The following HECW1 variants were observed in gnomAD, a reference collection of about 807,000 sequenced individuals.
HECW1 encodes HECT, C2 and WW domain containing E3 ubiquitin protein ligase 1.
In HECW1, 61 loss-of-function variants were observed where a neutral mutation model predicts 182.3. The observed-to-expected ratio is 0.33, with a 90% confidence interval of 0.27 to 0.41. The LOEUF is 0.41. Among genes scored for constraint, HECW1 ranks in the 10% least tolerant of loss-of-function variants. The pLI, the probability that HECW1 is intolerant of heterozygous loss-of-function variation, is 1.00. For missense variants in HECW1, 1,739 were observed against 2,108.9 expected (o/e 0.82, Z 3.44); for synonymous variants, 859 against 832.6 (o/e 1.03, Z -0.55).
chr7:43,516,460 G>A (rs2080155079), intron 24 of HECW1, among the ~76,000 whole-genome samples: 2 of 152,108 alleles, frequency 1.3e-5, no homozygotes. Flanking sequence ...TAAATTTGGA[G>A]CCTCTCACTC....
intron 13 of HECW1, among the ~76,000 whole-genome samples, chr7:43,460,001 G>T (rs886827928): frequency 6.6e-6 from 1 of 152,156 alleles, no homozygotes; most frequent in African/African-American, 2.4e-5. Context: ...ACATGTAATT[G>T]CTTGTATAGT....
chr7:43,505,868 A>T (rs761085194), intron 21 of HECW1, among the ~76,000 whole-genome samples: 1 of 152,026 alleles, frequency 6.6e-6, no homozygotes, highest in Non-Finnish European at 1.5e-5. Flanking sequence ...TGTATTATAT[A>T]CTCATTTCTG....
intron 2 of HECW1, among the ~76,000 whole-genome samples, chr7:43,144,653 A>G (rs1788508014): frequency 1.3e-5 from 2 of 152,000 alleles, no homozygotes; most frequent in Non-Finnish European, 2.9e-5. Context: ...GATATGCTGC[A>G]TTTTGTGGAG....
At chr7:43,263,395 CTG>C (rs1801399017) in intron 3 of HECW1, among the ~76,000 whole-genome samples, 1 of 152,214 alleles carries the variant, frequency 6.6e-6, no homozygotes, top group Admixed American at 6.5e-5. Context: ...GAGTCTCACT[CTG>C]TCACTCAGGC....
intron 3 of HECW1, among the ~76,000 whole-genome samples, chr7:43,278,326 AC>A (rs1803436059): frequency 6.6e-6 from 1 of 151,598 alleles, no homozygotes; most frequent in South Asian, 2.1e-4. Flanking sequence ...CTTTCTCTGC[AC>A]CCCACATCCA....
chr7:43,294,574 C>T (rs1053395824), intron 3 of HECW1, among the ~76,000 whole-genome samples: 3 of 152,216 alleles, frequency 2.0e-5, no homozygotes, highest in Non-Finnish European at 4.4e-5. Context: ...CTTGGCTCCT[C>T]GGTCCCCATC....
At chr7:43,488,480 GAAAGAAAGAGAA>G (rs1405365821) in intron 17 of HECW1, among the ~76,000 whole-genome samples, 6 of 147,670 alleles carry the variant, frequency 4.1e-5, no homozygotes, top group African/African-American at 7.8e-5. Flanking sequence ...AAGAAAGAAA[GAAAGAAAGAGAA>G]AGAAAGAAAG....
At chr7:43,249,036 C>T (rs573725624) in intron 3 of HECW1, 3 of 152,438 alleles carry the variant, frequency 2.0e-5, no homozygotes, top group African/African-American at 7.2e-5. Flanking sequence ...TTGGCAGGGT[C>T]GAGGAGCTCC....
intron 2 of HECW1, among the ~76,000 whole-genome samples, chr7:43,179,554 T>TTTGTTGTTGTTGTTGTTG (rs35378292): frequency 8.2e-4 from 121 of 148,214 alleles, no homozygotes; most frequent in African/African-American, 2.8e-3. Context: ...ATTTGCTAAG[T>TTTGTTGTTGTTGTTGTTG]TTGTTGTTGT....
chr7:43,173,964 A>C (rs1002806329), intron 2 of HECW1, among the ~76,000 whole-genome samples: 3 of 151,648 alleles, frequency 2.0e-5, no homozygotes, highest in Non-Finnish European at 4.4e-5. Context: ...CAGCTTCCCT[A>C]GTAGCTGGGA....
intron 3 of HECW1, among the ~76,000 whole-genome samples, chr7:43,271,069 T>A (rs953872038): frequency 9.9e-5 from 15 of 152,194 alleles, no homozygotes; most frequent in Admixed American, 5.9e-4. Context: ...TCTAAAAATG[T>A]CAAGGAGATA....
intron 5 of HECW1, among the ~76,000 whole-genome samples, chr7:43,325,978 C>T (rs966524074): frequency 6.6e-6 from 1 of 152,164 alleles, no homozygotes; most frequent in African/African-American, 2.4e-5. Context: ...AACAAAATAC[C>T]TTACACTGGG....
chr7:43,485,908 C>T (rs571330607), intron 17 of HECW1, among the ~76,000 whole-genome samples: 9 of 152,124 alleles, frequency 5.9e-5, no homozygotes, highest in African/African-American at 9.6e-5. Flanking sequence ...GTTTACAATG[C>T]GCAGGTTTGT....
In HECW1 at chr7:43,493,065, G is replaced by C; in HGVS notation, c.3341-19G>C. 6.3e-7 allele frequency: 1 copy of C among 1,575,004 alleles called. No homozygotes were observed. Among genetic ancestry groups the C allele is most frequent in the Non-Finnish European group, 8.7e-7 (1 of 1,145,472 alleles). ...CTGGGCTGCAGACTCAACCACAACT[G>C]TGCTTTTGTCTGTTTCAGCATATAA... is the stretch of plus-strand genomic sequence containing the variant. On this transcript the variant is annotated intron_variant, in intron 18 of 29. Coordinates refer to ENST00000395891, the MANE Select transcript of HECW1 (RefSeq NM_015052.5).
chr7:43,394,996 C>T (rs1411352190), intron 6 of HECW1, among the ~76,000 whole-genome samples: 1 of 151,246 alleles, frequency 6.6e-6, no homozygotes, highest in African/African-American at 2.4e-5. Context: ...TGTCTTCTTG[C>T]AGTGGGTCAG....
intron 5 of HECW1, among the ~76,000 whole-genome samples, chr7:43,325,118 T>C (rs1377082525): frequency 6.6e-6 from 1 of 152,214 alleles, no homozygotes; most frequent in Non-Finnish European, 1.5e-5. Flanking sequence ...AAATAAAGCC[T>C]GAATCATTTC....
intron 14 of HECW1, among the ~76,000 whole-genome samples, chr7:43,465,155 G>T (rs972530017): frequency 2.0e-5 from 3 of 152,162 alleles, no homozygotes; most frequent in Admixed American, 2.0e-4. Context: ...CAATAGCCAA[G>T]TAACTAGAAA....
chr7:43,501,179 CTTTCTTT>C (rs2079338608), intron 20 of HECW1, 27 bp from the exon 21 acceptor site: 6 of 1,091,986 alleles, frequency 5.5e-6, no homozygotes, highest in Non-Finnish European at 7.7e-6. Flanking sequence ...ACTTTCTTTT[CTTTCTTT>C]TTTTTTTTTT....
intron 8 of HECW1, among the ~76,000 whole-genome samples, chr7:43,419,832 C>T (rs926318198): frequency 4.6e-5 from 7 of 152,208 alleles, no homozygotes; most frequent in Admixed American, 6.5e-5. Flanking sequence ...AGTTTTGCCA[C>T]GAGAGTACGC....
Sources: allele counts gnomAD v4.1 joint callset (sites outside exome capture counted in the v4.1 genomes callset), GRCh38; gene constraint gnomAD v4.1.1; transcripts MANE v1.5; gene names NCBI Gene and HGNC (gene_info 2026-07-23, HGNC 2026-07-21).